LRRFIP1: variants seen among roughly 807,000 people sequenced by gnomAD.
LRRFIP1 encodes the protein leucine-rich repeat flightless-interacting protein 1.
LRRFIP1 carries 62 observed loss-of-function variants against 104.4 expected under a neutral mutation model. The ratio of observed to expected loss-of-function variants is 0.59; its 90% confidence interval spans 0.48 to 0.73. The LOEUF (loss-of-function observed/expected upper bound fraction) is 0.73. Ranked by LOEUF, LRRFIP1 falls within the 30% of genes least tolerant of loss-of-function variation. The pLI, the probability that LRRFIP1 is intolerant of heterozygous loss-of-function variation, is 0.00. For missense variants in LRRFIP1, 796 were observed against 824.5 expected, an observed-to-expected ratio of 0.97 and a Z score of 0.42; for synonymous variants, 300 against 299.0, an observed-to-expected ratio of 1.00 and a Z score of -0.03.
At chr2:237,706,109 C>T (rs1020270848) in intron 1 of LRRFIP1, among the ~76,000 whole-genome samples, 1 of 152,224 alleles carries the variant, frequency 6.6e-6, no homozygotes, top group African/African-American at 2.4e-5. Context: ...GTCCCACGCA[C>T]TCAGTGGGAG....
chr2:237,687,274 AC>A (rs2092440016), intron 1 of LRRFIP1, among the ~76,000 whole-genome samples: 1 of 152,226 alleles, frequency 6.6e-6, no homozygotes, highest in East Asian at 1.9e-4. Context: ...TTCATGAGCC[AC>A]ACGTATAACA....
At chr2:237,753,790 CAAA>C (rs749198309) in intron 15 of LRRFIP1, among the ~76,000 whole-genome samples, 6 of 74,742 alleles carry the variant, frequency 8.0e-5, no homozygotes, top group East Asian at 3.4e-4. Flanking sequence ...GACACTGTCT[CAAA>C]AAAAAAAAAA....
At chr2:237,683,843 T>C (rs1382135545) in intron 1 of LRRFIP1, among the ~76,000 whole-genome samples, 1 of 152,244 alleles carries the variant, frequency 6.6e-6, no homozygotes, top group African/African-American at 2.4e-5. Context: ...AGTTGCTTAG[T>C]GGCAGTGCTT....
chr2:237,752,392 C>T (rs555500851), intron 14 of LRRFIP1, among the ~76,000 whole-genome samples: 139 of 152,236 alleles, frequency 9.1e-4, no homozygotes, highest in South Asian at 4.8e-3. Flanking sequence ...GGTGACAGAG[C>T]GAGACACTGT....
chr2:237,720,786 C>T lies in LRRFIP1; in HGVS notation c.309C>T (p.Asp103=), dbSNP rs759089578. 12 of 1,613,888 alleles carry T rather than the reference C, an allele frequency of 7.4e-6. No homozygotes were observed. Among genetic ancestry groups the T allele is most frequent in the African/African-American group, 2.7e-5 (2 of 74,924 alleles). The change falls in exon 6 of 24, where the codon GAC becomes GAT. Residue 103 remains aspartate, a synonymous_variant. Transcript: ENST00000308482. The stretch of plus-strand genomic sequence containing the variant: ...TCTTTTAATAGGCTTCTGATGAAGA[C>T]GAGCGCATGTCAGTGGGTAGTCGTG... The part of the protein sequence containing the change: ...SRRNTSASDE[D]ERMSVGSRGS...
intron 1 of LRRFIP1, among the ~76,000 whole-genome samples, chr2:237,647,325 C>T (rs528474423): frequency 1.2e-4 from 19 of 152,112 alleles, no homozygotes; most frequent in African/African-American, 4.3e-4. Flanking sequence ...CTCATGGCTT[C>T]TGCTGTCAGC....
intron 1 of LRRFIP1, among the ~76,000 whole-genome samples, chr2:237,694,853 G>A (rs1304201031): frequency 6.6e-6 from 1 of 152,200 alleles, no homozygotes; most frequent in East Asian, 1.9e-4. Flanking sequence ...GATGGCTTGT[G>A]TCACCCCGCT....
chr2:237,727,757 C>A, intron 7 of LRRFIP1, 119 bp from the exon 8 acceptor site: 1 of 715,500 alleles, frequency 1.4e-6, no homozygotes, highest in South Asian at 1.8e-5. Context: ...CTGGACTGGT[C>A]ATTCATCCGC....
Position 237,771,993 on chromosome 2 carries a change from T to C in LRRFIP1, c.1510-88T>C. ...AAGTGCCTTCTGTCATTTGACATGC[T>C]GCTTCCTTTCTGATGGGCTCTAACT... is the stretch of plus-strand genomic sequence containing the variant. On this transcript the variant is annotated intron_variant, in intron 20 of 23. Coordinates refer to ENST00000308482, the MANE Select transcript of LRRFIP1 (RefSeq NM_001137550.2). 6 of 849,414 alleles carry C rather than the reference T, an allele frequency of 7.1e-6. No individual in the cohort carries two copies. The Admixed American group carries it at 1.1e-4, about 15-fold the overall frequency. 52.6% of individuals were successfully genotyped at this position (849,414 alleles called of 1,614,324 possible). A position where few individuals can be genotyped will look rare whatever the true frequency, so the allele number is the denominator to read the frequency against.
Position 237,691,276 on chromosome 2 carries a change from T to A in LRRFIP1, c.97-17268T>A, listed in dbSNP as rs1218777600. On this transcript the variant is annotated intron_variant, in intron 1 of 23. Coordinates refer to ENST00000308482, the MANE Select transcript of LRRFIP1 (RefSeq NM_001137550.2). The surrounding 1 kb of genome is among the most constrained non-coding windows in gnomAD (Gnocchi z 5.4). ...CAGCCTGGCGAGGTCGGGAACCGTT[T>A]CCCGCAGGACTTTCATTGGGAGTTA... is the stretch of plus-strand genomic sequence containing the variant. Among the ~76,000 whole-genome samples, 4 of 152,214 alleles carry A rather than the reference T, an allele frequency of 2.6e-5. No individual in the cohort carries two copies. Among genetic ancestry groups the A allele is most frequent in the Non-Finnish European group, 5.9e-5 (4 of 68,026 alleles).
At position 237,727,920 on chromosome 2, in the gene LRRFIP1, T is replaced by G. The variant is rs536842533; in HGVS notation, c.429T>G (p.Asn143Lys). ...DGELYGSQSL[N>K]RRSGRPSCLY... Reference sequence around the variant, plus strand: ...AATTGTATGGATCACAGTCCCTGAATAGAAGATCTGGCAGGGTTAGTATAG... The same window carrying G: ...AATTGTATGGATCACAGTCCCTGAAGAGAAGATCTGGCAGGGTTAGTATAG... The change falls in exon 8 of 24, where the codon AAT (asparagine) becomes AAG (lysine). Residue 143 changes from asparagine to lysine, a missense_variant. Coordinates refer to ENST00000308482, the MANE Select transcript of LRRFIP1 (RefSeq NM_001137550.2). The G allele has an allele frequency of 1.2e-6, 2 of 1,611,606 alleles. No homozygotes were observed. Among genetic ancestry groups the G allele is most frequent in the Non-Finnish European group, 1.7e-6 (2 of 1,178,804 alleles).
At chr2:237,678,809 C>G (rs1375534904) in intron 1 of LRRFIP1, among the ~76,000 whole-genome samples, 1 of 152,150 alleles carries the variant, frequency 6.6e-6, no homozygotes, top group African/African-American at 2.4e-5. Flanking sequence ...CACCCCGCCC[C>G]TCAAACTATT....
intron 1 of LRRFIP1, among the ~76,000 whole-genome samples, chr2:237,685,111 C>A (rs1184584035): frequency 2.9e-4 from 42 of 146,682 alleles, no homozygotes; most frequent in Middle Eastern, 3.5e-3. Context: ...CCTACCCTCC[C>A]CCCCCCACAC....
chr2:237,750,533 C>T (rs1304426954), intron 13 of LRRFIP1, among the ~76,000 whole-genome samples: 2 of 151,948 alleles, frequency 1.3e-5, no homozygotes, highest in African/African-American at 2.4e-5. Flanking sequence ...GACGGGGTTT[C>T]GCCATGTTGG....
intron 10 of LRRFIP1, among the ~76,000 whole-genome samples, chr2:237,737,922 C>G (rs1454572278): frequency 6.6e-6 from 1 of 152,176 alleles, no homozygotes; most frequent in African/African-American, 2.4e-5. Context: ...GGGGAACTTG[C>G]CCATCTTGTC....
In LRRFIP1 at chr2:237,780,416, C is replaced by CA. The variant is rs2061407731; in HGVS notation, c.*886dup. The CA allele has an allele frequency of 6.6e-6, 1 of 150,868 alleles. No homozygotes were observed. Among genetic ancestry groups the CA allele is most frequent in the African/African-American group, 2.4e-5 (1 of 40,972 alleles). 9.3% of individuals were successfully genotyped at this position (150,868 alleles called of 1,614,324 possible). On this transcript the variant is annotated 3_prime_UTR_variant, in exon 24 of 24. Transcript: ENST00000308482. ...TCATCTTTTTATTTTTTAAGAATAT[C>CA]AAGTCAATTCATTTTTCTTTCCCTA... is the stretch of plus-strand genomic sequence containing the variant.
chr2:237,678,344 G>T (rs113856150), intron 1 of LRRFIP1, among the ~76,000 whole-genome samples: 1 of 152,130 alleles, frequency 6.6e-6, no homozygotes, highest in African/African-American at 2.4e-5. Context: ...TGCAGCAGGG[G>T]GTACACAGCA....
At chr2:237,646,858 G>C (rs896478159) in intron 1 of LRRFIP1, among the ~76,000 whole-genome samples, 1 of 151,986 alleles carries the variant, frequency 6.6e-6, no homozygotes, top group Non-Finnish European at 1.5e-5. Context: ...CCAGTCTGTG[G>C]TGTTTTGTTA....
At chr2:237,764,883 T>C (rs2060156614) in intron 19 of LRRFIP1, 1 of 985,566 alleles carries the variant, frequency 1.0e-6, no homozygotes, top group African/African-American at 1.7e-5. Context: ...ATTCATTTTA[T>C]AGAAAGATTT....
Sources: allele counts gnomAD v4.1 joint callset (sites outside exome capture counted in the v4.1 genomes callset), GRCh38; gene constraint gnomAD v4.1.1; non-coding constraint Gnocchi (gnomAD v3.1); transcripts MANE v1.5; gene names NCBI Gene and HGNC (gene_info 2026-07-23, HGNC 2026-07-21).